CSMD2: variants seen among roughly 807,000 people sequenced by gnomAD.
The protein encoded by CSMD2 is CUB and sushi domain-containing protein 2.
A neutral mutation model predicts 398.5 loss-of-function variants in CSMD2; 130 were observed. The observed-to-expected ratio is 0.33, with a 90% CI of 0.28 to 0.38. CSMD2 has a LOEUF of 0.38. Ranked by LOEUF, CSMD2 falls within the 10% of genes least tolerant of loss-of-function variation. The pLI, the probability that CSMD2 is intolerant of heterozygous loss-of-function variation, is 1.00. For synonymous variants in CSMD2, 1,828 were observed against 1,908.5 expected (o/e 0.96, Z 1.10); for missense variants, 3,829 against 4,764.9 (o/e 0.80, Z 5.78).
Position 33,602,419 on chromosome 1 carries a change from G to T in CSMD2, c.6660C>A (p.Leu2220=), listed in dbSNP as rs1454227198. Residue 2220 remains leucine, a synonymous_variant, in exon 43 of 71, where the codon CTC becomes CTA. Coordinates refer to ENST00000373381, the MANE Select transcript of CSMD2 (RefSeq NM_001281956.2). ...GCTCTGTCTGCAGCAGGCTGAGGTT[G>T]AGGCGGACGCCATGGCCAATGGGCA... ...ITVPIGHGVR[L]NLSLLQTEPS... 2.5e-6 allele frequency: 4 copies of T among 1,613,908 alleles called. No individual in the cohort carries two copies. Among genetic ancestry groups the T allele is most frequent in the Non-Finnish European group, 3.4e-6 (4 of 1,179,990 alleles).
At position 33,935,970 on chromosome 1, in the gene CSMD2, G is replaced by A; in HGVS notation, c.518-16C>T. 2.5e-6 allele frequency: 4 copies of A among 1,597,178 alleles called. No homozygotes were observed. Among genetic ancestry groups the A allele is most frequent in the African/African-American group, 1.3e-5 (1 of 74,654 alleles). On this transcript the variant is annotated splice_polypyrimidine_tract_variant and intron_variant, in intron 3 of 70. Coordinates refer to ENST00000373381, the MANE Select transcript of CSMD2 (RefSeq NM_001281956.2). ...CTGGGGAGAACTGTGAGGAGAAACA[G>A]AGAAAGAGACGGGTACCCCGTGAGC...
At chr1:33,805,228 G>T (rs1323429004) in intron 10 of CSMD2, among the ~76,000 whole-genome samples, 1 of 152,210 alleles carries the variant, frequency 6.6e-6, no homozygotes, top group Non-Finnish European at 1.5e-5. Context: ...GATAAGGATT[G>T]TAACAGTGCC....
chr1:34,038,324 A>G (rs1464210933), intron 2 of CSMD2, among the ~76,000 whole-genome samples: 1 of 152,252 alleles, frequency 6.6e-6, no homozygotes, highest in Non-Finnish European at 1.5e-5. Context: ...ATGGCAAGGC[A>G]GGTGAGAGTC....
chr1:33,927,546 C>T (rs973610122), intron 4 of CSMD2, among the ~76,000 whole-genome samples: 2 of 152,124 alleles, frequency 1.3e-5, no homozygotes, highest in African/African-American at 4.8e-5. Flanking sequence ...AACAGAGGCT[C>T]AGTGAGTTTT....
chr1:34,101,047 C>T (rs1659888045), intron 1 of CSMD2, among the ~76,000 whole-genome samples: 1 of 152,220 alleles, frequency 6.6e-6, no homozygotes, highest in South Asian at 2.1e-4. Context: ...AGCAGCCACT[C>T]CAGATTGAAA....
At chr1:33,775,355 C>G (rs1189652992) in intron 12 of CSMD2, among the ~76,000 whole-genome samples, 1 of 152,122 alleles carries the variant, frequency 6.6e-6, no homozygotes, top group Non-Finnish European at 1.5e-5. Flanking sequence ...ATATTTTGCA[C>G]TAATATTAAT....
chr1:34,123,528 G>GT (rs1249013603), intron 1 of CSMD2, among the ~76,000 whole-genome samples: 3 of 152,014 alleles, frequency 2.0e-5, no homozygotes, highest in Non-Finnish European at 2.9e-5. Flanking sequence ...TTAAAGGGGG[G>GT]GGGTTGTGGG....
intron 57 of CSMD2, among the ~76,000 whole-genome samples, chr1:33,544,162 A>G (rs1302996325): frequency 3.6e-5 from 5 of 139,482 alleles, no homozygotes. Context: ...GCTGAACTGC[A>G]GTGGCGCTAT....
intron 2 of CSMD2, among the ~76,000 whole-genome samples, chr1:34,056,599 A>C (rs985507224): frequency 6.6e-6 from 1 of 152,224 alleles, no homozygotes; most frequent in African/African-American, 2.4e-5. Flanking sequence ...TCTACCTTAC[A>C]GAGTGTTGAG....
chr1:33,671,604 A>C (rs1011748460), intron 25 of CSMD2, among the ~76,000 whole-genome samples: 3 of 151,980 alleles, frequency 2.0e-5, no homozygotes, highest in Non-Finnish European at 4.4e-5. Flanking sequence ...CCACCAACCA[A>C]TAGCAGGCCC....
intron 25 of CSMD2, among the ~76,000 whole-genome samples, chr1:33,691,560 T>C (rs878914381): frequency 1.3e-5 from 2 of 152,218 alleles, no homozygotes; most frequent in Admixed American, 6.5e-5. Flanking sequence ...TTCTTCTTAA[T>C]TGGAAACTCT....
At chr1:33,799,097 G>A (rs1655295159) in intron 10 of CSMD2, among the ~76,000 whole-genome samples, 1 of 152,324 alleles carries the variant, frequency 6.6e-6, no homozygotes, top group South Asian at 2.1e-4. Context: ...TCCTACAGCA[G>A]GGGTTGGAAA....
At chr1:33,836,661 C>T (rs928561052) in intron 6 of CSMD2, among the ~76,000 whole-genome samples, 2 of 152,200 alleles carry the variant, frequency 1.3e-5, no homozygotes, top group Non-Finnish European at 1.5e-5. Flanking sequence ...ACCCTCTGAG[C>T]CATGCGTGGG....
At chr1:33,846,156 A>G (rs1661335127) in intron 6 of CSMD2, among the ~76,000 whole-genome samples, 1 of 152,230 alleles carries the variant, frequency 6.6e-6, no homozygotes, top group South Asian at 2.1e-4. Context: ...GATCTCTTCC[A>G]GTTACAGACA....
chr1:33,852,651 A>ATC (rs1286355368), intron 5 of CSMD2, among the ~76,000 whole-genome samples: 7 of 152,216 alleles, frequency 4.6e-5, no homozygotes, highest in African/African-American at 1.7e-4. Context: ...AATTGTACTC[A>ATC]TCTTTTGAGT....
At position 33,693,050 on chromosome 1, in the gene CSMD2, C is replaced by T; in HGVS notation, c.3932G>A (p.Cys1311Tyr). 6.3e-7 allele frequency: 1 copy of T among 1,594,750 alleles called. No individual in the cohort carries two copies. Among genetic ancestry groups the T allele is most frequent in the Non-Finnish European group, 8.5e-7 (1 of 1,172,574 alleles). ...DRPLPTCVAE[C>Y]GGTVRGEVSG... ...CACCTCTCCTCTCACTGTCCCTCCA[C>T]ACTCGGCTGAAAGAAATCCCAAAAG... Residue 1311 changes from cysteine to tyrosine, a missense_variant, in exon 25 of 71, where the codon TGT becomes TAT. This residue lies in a region of CSMD2 where 2,001 missense variants were observed against 2,567.1 expected (regional missense o/e 0.78). Transcript: ENST00000373381.
chr1:33,843,808 G>A (rs1327551245), intron 6 of CSMD2, among the ~76,000 whole-genome samples: 1 of 152,152 alleles, frequency 6.6e-6, no homozygotes, highest in Admixed American at 6.5e-5. Context: ...CCCTCCTCAC[G>A]CCCTGGCTAC....
intron 13 of CSMD2, among the ~76,000 whole-genome samples, chr1:33,761,681 G>C (rs1323490179): frequency 1.3e-5 from 2 of 152,194 alleles, no homozygotes; most frequent in African/African-American, 4.8e-5. Flanking sequence ...TTCTAAGCCT[G>C]TTCGTCAGAG....
At chr1:34,148,750 GAA>G (rs1640015428) in intron 1 of CSMD2, among the ~76,000 whole-genome samples, 1 of 152,208 alleles carries the variant, frequency 6.6e-6, no homozygotes, top group African/African-American at 2.4e-5. Context: ...GGCCAAGAAT[GAA>G]CTAGGACGAA....
Sources: allele counts gnomAD v4.1 joint callset (sites outside exome capture counted in the v4.1 genomes callset), GRCh38; gene constraint gnomAD v4.1.1; regional missense constraint gnomAD v4.1.1; transcripts MANE v1.5; gene names NCBI Gene and HGNC (gene_info 2026-07-23, HGNC 2026-07-21).